Variants in TBX5 observed in about 807,000 individuals in gnomAD.
TBX5 encodes T-box transcription factor 5.
A neutral mutation model predicts 51.1 loss-of-function variants in TBX5; 8 were observed. The ratio of observed to expected loss-of-function variants is 0.16; its 90% CI spans 0.09 to 0.28. The LOEUF is 0.28. Ranked by LOEUF, TBX5 falls within the 10% of genes least tolerant of loss-of-function variation. The pLI is 1.00. For synonymous variants in TBX5, 302 were observed against 266.4 expected (o/e 1.13, Z -1.30); for missense variants, 589 against 671.7 (o/e 0.88, Z 1.36).
In TBX5 at chr12:114,373,247, C is replaced by T. The variant is rs11067084; in HGVS notation, c.756-6856G>A. Among the ~76,000 whole-genome samples the T allele has an allele frequency of 0.033, 5,077 of 152,088 alleles. 387 individuals carry two copies. The East Asian group carries it at 0.35, about 11-fold the overall frequency. On this transcript the variant is annotated intron_variant, in intron 7 of 8. Transcript: ENST00000405440. ...TTTGACTCAAACTATAGAGATGGTT[C>T]GGAAATCATGGAGAAAAGTCCTGGG...
intron 8 of TBX5, among the ~76,000 whole-genome samples, chr12:114,364,866 A>G (rs1215348617): frequency 6.6e-6 from 1 of 152,160 alleles, no homozygotes; most frequent in Non-Finnish European, 1.5e-5. Context: ...GGGAGCAGAG[A>G]TGAGATTCAA....
At chr12:114,387,781 T>A (rs1195974386) in intron 6 of TBX5, among the ~76,000 whole-genome samples, 2 of 152,060 alleles carry the variant, frequency 1.3e-5, no homozygotes, top group Non-Finnish European at 1.5e-5. Flanking sequence ...ATAGGGGAAA[T>A]CTTGGTATGT....
chr12:114,359,741 G>A (rs1401993392), intron 8 of TBX5, among the ~76,000 whole-genome samples: 4 of 152,178 alleles, frequency 2.6e-5, no homozygotes, highest in East Asian at 1.9e-4. Context: ...TCCAATGCTC[G>A]CTCGCCATGT....
chr12:114,404,517 G>C (rs912588271), intron 1 of TBX5, among the ~76,000 whole-genome samples: 1 of 152,134 alleles, frequency 6.6e-6, no homozygotes, highest in Non-Finnish European at 1.5e-5. Flanking sequence ...ATTGAGACTA[G>C]GTTCAAAAGA....
At chr12:114,393,372 C>G (rs1252396796) in intron 6 of TBX5, among the ~76,000 whole-genome samples, 1 of 152,100 alleles carries the variant, frequency 6.6e-6, no homozygotes, top group Admixed American at 6.5e-5. Flanking sequence ...CTTCTAAGCC[C>G]AAATCACTGC....
intron 8 of TBX5, among the ~76,000 whole-genome samples, chr12:114,359,854 G>A (rs983685708): frequency 1.3e-5 from 2 of 152,196 alleles, no homozygotes; most frequent in Non-Finnish European, 2.9e-5. Context: ...AATGAGGGCA[G>A]TTGAGTTTTT....
At chr12:114,401,804 T>C in intron 3 of TBX5, 22 bp downstream of exon 3, 1 of 1,612,582 alleles carries the variant, frequency 6.2e-7, no homozygotes, top group Non-Finnish European at 8.5e-7. Context: ...CGTCCCTCTC[T>C]CTACACAACA....
intron 7 of TBX5, among the ~76,000 whole-genome samples, chr12:114,370,638 C>CT (rs1869844175): frequency 2.0e-5 from 3 of 146,870 alleles, no homozygotes; most frequent in African/African-American, 5.0e-5. Context: ...ATGATCTCTC[C>CT]CTCTCTCTCT....
rs1351062506 is a variant in TBX5 at position 114,371,590 on chromosome 12, T to G, written c.756-5199A>C. ...GCTGGCATGTTCAGATTTTTGTGTT[T>G]TTTTTTTTTTTTTTTTCCTGGTGAT... On this transcript the variant is annotated intron_variant, in intron 7 of 8. Transcript: ENST00000405440. 3.0e-4 allele frequency among the ~76,000 whole-genome samples: 45 copies of G among 148,652 alleles called. No homozygotes were observed. The South Asian group carries it at 3.8e-3, about 13-fold the overall frequency.
intron 1 of TBX5, 105 bp from the exon 2 acceptor site, chr12:114,404,041 C>A: frequency 7.9e-7 from 1 of 1,265,670 alleles, no homozygotes; most frequent in Non-Finnish European, 1.1e-6. Flanking sequence ...AGTTTGGCCC[C>A]CAGTTTCCAG....
At chr12:114,391,705 A>G (rs1443017393) in intron 6 of TBX5, among the ~76,000 whole-genome samples, 2 of 152,224 alleles carry the variant, frequency 1.3e-5, no homozygotes, top group Admixed American at 1.3e-4. Context: ...GCTTCTACGC[A>G]TGAAGTCAGA....
chr12:114,386,570 T>C (rs1329078374), intron 6 of TBX5, among the ~76,000 whole-genome samples: 1 of 152,182 alleles, frequency 6.6e-6, no homozygotes, highest in East Asian at 1.9e-4. Flanking sequence ...CACTTTTAAT[T>C]TGCACTTATT....
In TBX5 at chr12:114,355,489, C is replaced by A. The variant is rs371119204; in HGVS notation, c.*43G>T. The A allele has an allele frequency of 7.7e-5, 123 of 1,607,520 alleles. 1 individual carries two copies. In the African/African-American group the frequency reaches 1.5e-3, roughly 20 times the overall value. On this transcript the variant is annotated 3_prime_UTR_variant, in exon 9 of 9. Transcript: ENST00000405440. ...CCTTCTCTCTCTTTCTCCTCTCTCTCTCTCTTTCTCTAGGAAATGTCTGTT... is the reference window on the plus strand; with the variant it reads ...CCTTCTCTCTCTTTCTCCTCTCTCTATCTCTTTCTCTAGGAAATGTCTGTT...
At chr12:114,401,767 T>G in intron 3 of TBX5, 59 bp downstream of exon 3, 2 of 1,544,430 alleles carry the variant, frequency 1.3e-6, no homozygotes, top group Non-Finnish European at 1.8e-6. Context: ...CCACCTTTTC[T>G]TCTTCACCTC....
upstream of TBX5, chr12:114,407,973 T>C: frequency 1.0e-6 from 1 of 985,448 alleles, no homozygotes; most frequent in Non-Finnish European, 1.2e-6. Context: ...ACCTCCCAGC[T>C]CAAGGTTGGT....
At position 114,385,478 on chromosome 12, in the gene TBX5, T is replaced by C. The variant is rs1482448862; in HGVS notation, c.753A>G (p.Gln251=). 3.7e-6 allele frequency: 6 copies of C among 1,614,114 alleles called. No individual in the cohort carries two copies. Among genetic ancestry groups the C allele is most frequent in the Non-Finnish European group, 4.2e-6 (5 of 1,179,972 alleles). The change falls in exon 7 of 9, where the codon CAA becomes CAG. Residue 251 remains glutamine, a splice_region_variant and synonymous_variant. Coordinates refer to ENST00000405440, the MANE Select transcript of TBX5 (RefSeq NM_181486.4). ...DMELHRMSRM[Q]SKEYPVVPRS... ...AGTTGAGGAATCCACTTTCCTACCT[T>C]TGCATTCTTGACATTCTGTGCAGCT...
chr12:114,380,088 C>A (rs1164981328), intron 7 of TBX5, among the ~76,000 whole-genome samples: 3 of 152,100 alleles, frequency 2.0e-5, no homozygotes, highest in Non-Finnish European at 4.4e-5. Flanking sequence ...TGCTTCAGCC[C>A]AGAAAACCCT....
chr12:114,360,027 G>C (rs1266502469), intron 8 of TBX5, among the ~76,000 whole-genome samples: 1 of 152,164 alleles, frequency 6.6e-6, no homozygotes, highest in African/African-American at 2.4e-5. Flanking sequence ...AGCTCACAGA[G>C]TGCTTTTAAA....
intron 2 of TBX5, among the ~76,000 whole-genome samples, 155 bp from the exon 3 acceptor site, chr12:114,402,075 C>A (rs931295771): frequency 3.3e-5 from 5 of 152,224 alleles, no homozygotes; most frequent in Non-Finnish European, 7.3e-5. Flanking sequence ...GCAGAATTAT[C>A]TGGAGCACCC....
Sources: allele counts gnomAD v4.1 joint callset (sites outside exome capture counted in the v4.1 genomes callset), GRCh38; gene constraint gnomAD v4.1.1; transcripts MANE v1.5; gene names NCBI Gene and HGNC (gene_info 2026-07-23, HGNC 2026-07-21).